The following CORIN variants were observed in gnomAD, a reference collection of about 807,000 sequenced individuals.
CORIN encodes corin, serine peptidase, also known as atrial natriuretic peptide-converting enzyme.
Under a neutral mutation model 125.3 loss-of-function variants are expected in CORIN, and 117 were observed. That is an observed-to-expected ratio of 0.93 (90% CI 0.80 to 1.09). CORIN has a LOEUF of 1.09. Among genes scored for constraint, CORIN ranks in the 50% least tolerant of loss-of-function variants. The pLI is 0.00. For missense variants in CORIN, 1,253 were observed against 1,306.7 expected (o/e 0.96, Z 0.63); for synonymous variants, 450 against 466.4 (o/e 0.96, Z 0.45).
chr4:47,789,069 G>A (rs750325417), intron 2 of CORIN, among the ~76,000 whole-genome samples: 2 of 152,116 alleles, frequency 1.3e-5, no homozygotes, highest in South Asian at 2.1e-4. Flanking sequence ...TTGGGAGGCC[G>A]AGGCAGGTGG....
At chr4:47,728,324 C>T (rs556089555) in intron 5 of CORIN, among the ~76,000 whole-genome samples, 1 of 152,052 alleles carries the variant, frequency 6.6e-6, no homozygotes, top group South Asian at 2.1e-4. Context: ...ATAATGTTCA[C>T]CTAAAAGACA....
chr4:47,596,043 T>A (rs1017227309), intron 21 of CORIN, 140 bp from the exon 22 acceptor site: 12 of 553,784 alleles, frequency 2.2e-5, no homozygotes, highest in Non-Finnish European at 3.0e-5. Context: ...TGTCAGCCTG[T>A]GGAGGAGTTG....
intron 5 of CORIN, among the ~76,000 whole-genome samples, chr4:47,743,052 T>TA (rs1020034694): frequency 5.3e-5 from 8 of 152,276 alleles, no homozygotes; most frequent in Admixed American, 5.2e-4. Context: ...AATTAATTCC[T>TA]ATCTTTTACC....
chr4:47,810,808 A>T (rs1366389647), intron 1 of CORIN, among the ~76,000 whole-genome samples: 1 of 152,140 alleles, frequency 6.6e-6, no homozygotes, highest in Non-Finnish European at 1.5e-5. Flanking sequence ...ACAACCATAG[A>T]TCTTTCCTCT....
At chr4:47,653,500 T>C (rs942447316) in intron 13 of CORIN, 53 bp downstream of exon 13, 33 of 1,408,368 alleles carry the variant, frequency 2.3e-5, no homozygotes, top group Non-Finnish European at 3.3e-5. Flanking sequence ...AGTTTCTTAT[T>C]TTATTCTAGT....
intron 1 of CORIN, among the ~76,000 whole-genome samples, chr4:47,833,325 T>C (rs1448183042): frequency 6.6e-6 from 1 of 152,136 alleles, no homozygotes; most frequent in Non-Finnish European, 1.5e-5. Flanking sequence ...CAAATGGTGC[T>C]GGGAAAACTG....
chr4:47,781,683 C>T (rs923345833), intron 3 of CORIN, among the ~76,000 whole-genome samples: 9 of 152,228 alleles, frequency 5.9e-5, no homozygotes, highest in African/African-American at 2.2e-4. Flanking sequence ...TGGCTGGGCG[C>T]AGTGGCTAAC....
At chr4:47,768,023 G>C (rs1468125429) in intron 3 of CORIN, among the ~76,000 whole-genome samples, 2 of 152,166 alleles carry the variant, frequency 1.3e-5, no homozygotes, top group Admixed American at 1.3e-4. Context: ...CAAAAGAAGT[G>C]AAAATGGCCT....
chr4:47,641,450 A>G (rs542679517), intron 16 of CORIN, among the ~76,000 whole-genome samples: 10 of 152,218 alleles, frequency 6.6e-5, no homozygotes, highest in Non-Finnish European at 1.5e-4. Context: ...GAATCTTTTC[A>G]TTCTACTAAG....
intron 2 of CORIN, among the ~76,000 whole-genome samples, chr4:47,789,936 G>A (rs1441676759): frequency 1.3e-5 from 2 of 152,188 alleles, no homozygotes; most frequent in South Asian, 2.1e-4. Context: ...GCAGGAGAAT[G>A]GCATGAACCC....
chr4:47,699,856 C>T (rs994285349), intron 5 of CORIN, among the ~76,000 whole-genome samples: 10 of 152,204 alleles, frequency 6.6e-5, no homozygotes, highest in Admixed American at 4.6e-4. Context: ...GGCCCTTCTG[C>T]GGAAAATAAT....
intron 3 of CORIN, among the ~76,000 whole-genome samples, chr4:47,775,367 C>G (rs113696888): frequency 3.6e-4 from 55 of 152,184 alleles, no homozygotes; most frequent in African/African-American, 1.3e-3. Flanking sequence ...ATCTCTCCCC[C>G]CTCCTCCCAC....
At chr4:47,688,726 C>G (rs1725636616) in intron 6 of CORIN, among the ~76,000 whole-genome samples, 1 of 152,106 alleles carries the variant, frequency 6.6e-6, no homozygotes, top group Non-Finnish European at 1.5e-5. Context: ...TACTAGGTAG[C>G]TAAAACATGA....
intron 5 of CORIN, among the ~76,000 whole-genome samples, chr4:47,694,134 C>T (rs1036410421): frequency 2.0e-5 from 3 of 152,086 alleles, no homozygotes; most frequent in African/African-American, 7.2e-5. Context: ...ACTGTTACAG[C>T]CATTGAAAAC....
intron 5 of CORIN, among the ~76,000 whole-genome samples, chr4:47,702,677 A>ATTGCCTAT (rs1473463828): frequency 1.3e-5 from 2 of 152,232 alleles, no homozygotes; most frequent in African/African-American, 4.8e-5. Context: ...GCTAAAATAA[A>ATTGCCTAT]TTGCCTATGA....
At chr4:47,816,267 A>G (rs1732263797) in intron 1 of CORIN, among the ~76,000 whole-genome samples, 1 of 152,218 alleles carries the variant, frequency 6.6e-6, no homozygotes, top group African/African-American at 2.4e-5. Flanking sequence ...TTCTTTCTGA[A>G]TACCTAAAGC....
At chr4:47,687,237 C>A (rs938420478) in intron 6 of CORIN, among the ~76,000 whole-genome samples, 2 of 152,164 alleles carry the variant, frequency 1.3e-5, no homozygotes, top group Non-Finnish European at 2.9e-5. Flanking sequence ...AGAGGCACTG[C>A]AAAGCCAGAA....
intron 1 of CORIN, among the ~76,000 whole-genome samples, chr4:47,811,484 T>A (rs1195565276): frequency 2.6e-5 from 4 of 152,184 alleles, no homozygotes; most frequent in Non-Finnish European, 4.4e-5. Context: ...TGAGGGCACA[T>A]CCACATCTGC....
At chr4:47,755,866 T>G (rs185367326) in intron 4 of CORIN, among the ~76,000 whole-genome samples, 75 of 152,324 alleles carry the variant, frequency 4.9e-4, no homozygotes, top group Admixed American at 1.4e-3. Flanking sequence ...ACAACTATAG[T>G]CAACATATTT....
Sources: allele counts gnomAD v4.1 joint callset (sites outside exome capture counted in the v4.1 genomes callset), GRCh38; gene constraint gnomAD v4.1.1; transcripts MANE v1.5; gene names NCBI Gene and HGNC (gene_info 2026-07-23, HGNC 2026-07-21).